The following RDH13 variants were observed in gnomAD, a reference collection of about 807,000 sequenced individuals.
The protein encoded by RDH13 is retinol dehydrogenase 13 (all-trans and 9-cis).
RDH13 carries 35 observed loss-of-function variants against 28.3 expected under a neutral mutation model. The ratio of observed to expected loss-of-function variants is 1.24; its 90% CI spans 0.95 to 1.64. The LOEUF is 1.64. Ranked by LOEUF, RDH13 falls within the 40% of genes most tolerant of loss-of-function variation. RDH13 has a pLI of 0.00. For synonymous variants in RDH13, 229 were observed against 198.5 expected, an observed-to-expected ratio of 1.15 and a Z score of -1.29; for missense variants, 514 against 446.3, an observed-to-expected ratio of 1.15 and a Z score of -1.37.
chr19:55,064,292 T>TG (rs2147084820), upstream of RDH13: 1 of 151,916 alleles, frequency 6.6e-6, no homozygotes, highest in Non-Finnish European at 1.5e-5. Flanking sequence ...GTGGTGGCAC[T>TG]CACCTGTAGT....
At chr19:55,048,144 A>AGAAGAAC in intron 5 of RDH13, 185 bp downstream of exon 5, 19 of 1,533,982 alleles carry the variant, frequency 1.2e-5, no homozygotes, top group Non-Finnish European at 1.7e-5. Context: ...GACAATCCTC[A>AGAAGAAC]GAAGAACGAT....
downstream of RDH13, among the ~76,000 whole-genome samples, chr19:55,043,406 G>T (rs1191208506): frequency 1.3e-5 from 2 of 151,982 alleles, no homozygotes; most frequent in Non-Finnish European, 2.9e-5. Context: ...AAAAAGGGCT[G>T]GGTGCACTGG....
chr19:55,041,953 A>ATCT (rs781168424), downstream of RDH13: 10 of 152,226 alleles, frequency 6.6e-5, no homozygotes, highest in Non-Finnish European at 1.0e-4. Flanking sequence ...CTTGATATGA[A>ATCT]TGAAGATAGA....
chr19:55,053,094 T>G (rs1413690182), intron 3 of RDH13, among the ~76,000 whole-genome samples: 2 of 152,110 alleles, frequency 1.3e-5, no homozygotes, highest in African/African-American at 4.8e-5. Flanking sequence ...AGTCGGGAGC[T>G]GGGAAGAGCC....
At position 55,044,826 on chromosome 19, in the gene RDH13, A is replaced by AG; in HGVS notation, c.*247dup. ...TCGGCCATTCCCAGTTTAGATTCCC[A>AG]GGGGAAGCATCAGATGGCCCCTCTC... On this transcript the variant is annotated 3_prime_UTR_variant, in exon 7 of 7. Transcript: ENST00000415061. 2.2e-6 allele frequency: 1 copy of AG among 464,148 alleles called. No individual in the cohort carries two copies. The highest frequency in any genetic ancestry group is 3.8e-6 in the Non-Finnish European group (1 of 265,302). The allele number at this position is 464,148 out of a possible 1,614,324, so 28.8% of individuals were successfully genotyped here.
Position 55,045,062 on chromosome 19 carries a change from C to G in RDH13, c.*12G>C. The G allele has an allele frequency of 6.4e-7, 1 of 1,560,742 alleles. No homozygotes were observed. The highest frequency in any genetic ancestry group is 8.7e-7 in the Non-Finnish European group (1 of 1,151,440). ...GGAGGCGCCATCCTGGCTTTCAAAT[C>G]TGCTCCAGAGGTTATCTGGGGAGGG... On this transcript the variant is annotated 3_prime_UTR_variant, in exon 7 of 7. Coordinates refer to ENST00000415061, the MANE Select transcript of RDH13 (RefSeq NM_001145971.2).
chr19:55,060,590 C>T (rs2075779653), intron 1 of RDH13, among the ~76,000 whole-genome samples: 1 of 152,224 alleles, frequency 6.6e-6, no homozygotes, highest in Non-Finnish European at 1.5e-5. Context: ...CCTGGGCCCA[C>T]TGTTGTTTCT....
chr19:55,061,580 C>G (rs2075807837), intron 1 of RDH13, among the ~76,000 whole-genome samples: 1 of 151,654 alleles, frequency 6.6e-6, no homozygotes, highest in African/African-American at 2.4e-5. Context: ...CACTTGAGGT[C>G]AGGAGTTCGA....
downstream of RDH13, chr19:55,039,871 T>G (rs2074975534): frequency 6.6e-6 from 1 of 152,036 alleles, no homozygotes; most frequent in Non-Finnish European, 1.5e-5. Context: ...AAGAATAAAT[T>G]CAGATACATG....
At chr19:55,049,464 G>A (rs187712955) in intron 3 of RDH13, among the ~76,000 whole-genome samples, 8 of 152,108 alleles carry the variant, frequency 5.3e-5, no homozygotes, top group African/African-American at 7.2e-5. Flanking sequence ...CTCGGGTTCC[G>A]TAACAAAGTG....
intron 1 of RDH13, among the ~76,000 whole-genome samples, chr19:55,060,684 C>G (rs1316811613): frequency 6.6e-6 from 1 of 152,142 alleles, no homozygotes; most frequent in Non-Finnish European, 1.5e-5. Context: ...GCAGGCCACC[C>G]CTTCACAGGC....
chr19:55,047,643 T>C (rs2075283158), intron 5 of RDH13, among the ~76,000 whole-genome samples, 155 bp from the exon 6 acceptor site: 1 of 152,052 alleles, frequency 6.6e-6, no homozygotes, highest in Non-Finnish European at 1.5e-5. Flanking sequence ...AGTGAAGTGG[T>C]CTTATCTTGC....
chr19:55,052,389 A>G (rs1463839251), intron 3 of RDH13, among the ~76,000 whole-genome samples: 3 of 150,532 alleles, frequency 2.0e-5, no homozygotes, highest in African/African-American at 7.3e-5. Context: ...TACTAAAAAT[A>G]CAAAATTAGC....
intron 1 of RDH13, among the ~76,000 whole-genome samples, chr19:55,060,150 A>G (rs932014919): frequency 7.1e-6 from 1 of 140,860 alleles, no homozygotes; most frequent in African/African-American, 2.6e-5. Context: ...TGGATTGGTA[A>G]AAGAGGAAAG....
At chr19:55,059,083 G>C (rs369625034) in intron 2 of RDH13, 74 bp downstream of exon 2, 1 of 1,017,676 alleles carries the variant, frequency 9.8e-7, no homozygotes, top group Non-Finnish European at 1.5e-6. Flanking sequence ...TTCCACCTCC[G>C]GACTGTGAAT....
chr19:55,046,245 CA>C (rs113661219), intron 6 of RDH13, among the ~76,000 whole-genome samples: 3 of 139,202 alleles, frequency 2.2e-5, no homozygotes, highest in Admixed American at 7.1e-5. Flanking sequence ...AACTCCGTCT[CA>C]AAAAAAAAAA....
At chr19:55,057,435 C>CT (rs35843215) in intron 2 of RDH13, among the ~76,000 whole-genome samples, 99,269 of 136,960 alleles carry the variant, frequency 0.72, 36,066 homozygotes, top group East Asian at 0.92. Flanking sequence ...CCATCCTCTC[C>CT]TTTTTTTTTT....
intron 6 of RDH13, among the ~76,000 whole-genome samples, chr19:55,045,957 A>C (rs1305570148): frequency 7.2e-6 from 1 of 139,776 alleles, no homozygotes; most frequent in Non-Finnish European, 1.5e-5. Context: ...AAAAAAAAAA[A>C]AAAAAAAGGG....
Position 55,063,129 on chromosome 19 carries a change from CCA to C in RDH13, c.-99_-98del, listed in dbSNP as rs2075864562. The C allele has an allele frequency of 8.7e-7, 1 of 1,150,044 alleles. No individual in the cohort carries two copies. The highest frequency in any genetic ancestry group is 1.1e-6 in the Non-Finnish European group (1 of 894,806). The allele number at this position is 1,150,044 out of a possible 1,614,324, so 71.2% of individuals were successfully genotyped here. A position where few individuals can be genotyped will look rare whatever the true frequency, so the allele number is the denominator to read the frequency against. ...CTCCGAGGAAGAGCGCGCGACGCAG[CCA>C]CAGGCGAGCGGAGGCGCAGGCGCGG... is the stretch of plus-strand genomic sequence containing the variant. On this transcript the variant is annotated 5_prime_UTR_variant, in exon 1 of 7. Coordinates refer to ENST00000415061, the MANE Select transcript of RDH13 (RefSeq NM_001145971.2).
Sources: gnomAD v4.1 joint callset for allele counts (sites outside exome capture counted in the v4.1 genomes callset) on GRCh38, gnomAD v4.1.1 for gene constraint, MANE v1.5 for transcripts, NCBI Gene and HGNC (gene_info 2026-07-23, HGNC 2026-07-21) for gene names.